Variants in SLC36A1 observed in about 807,000 individuals in gnomAD.
The protein encoded by SLC36A1 is solute carrier family 36 member 1, also known as proton-coupled amino acid transporter 1.
SLC36A1 carries 30 observed loss-of-function variants against 47.5 expected under a neutral mutation model. The observed-to-expected ratio is 0.63, with a 90% CI of 0.47 to 0.86. The LOEUF (loss-of-function observed/expected upper bound fraction) is 0.86. SLC36A1 is among the 40% of genes least tolerant of loss of function. The pLI is 0.00. For missense variants in SLC36A1, 517 were observed against 606.0 expected (o/e 0.85, Z 1.54); for synonymous variants, 255 against 249.7 (o/e 1.02, Z -0.20).
chr5:151,478,269 A>G (rs1758347663), intron 9 of SLC36A1, among the ~76,000 whole-genome samples: 1 of 152,188 alleles, frequency 6.6e-6, no homozygotes, highest in Non-Finnish European at 1.5e-5. Flanking sequence ...TTAACACATG[A>G]GGGTCTGGTT....
At chr5:151,478,822 T>C (rs1456611543) in intron 9 of SLC36A1, among the ~76,000 whole-genome samples, 1 of 150,256 alleles carries the variant, frequency 6.7e-6, no homozygotes, top group East Asian at 1.9e-4. Context: ...TGTTTTTTCC[T>C]CCTCTTTTTT....
At chr5:151,507,155 C>T in the SLC36A1 span, 1 of 1,575,840 alleles carries the variant, frequency 6.3e-7, no homozygotes, top group African/African-American at 1.3e-5. Context: ...TATACTGACC[C>T]ATCTCCTCGC....
chr5:151,551,378 C>T, the SLC36A1 span: 1 of 1,370,848 alleles, frequency 7.3e-7, no homozygotes, highest in Non-Finnish European at 1.0e-6. Flanking sequence ...AGGAACACCA[C>T]ATCCACAGAA....
chr5:151,406,901 G>A, the SLC36A1 span, among the ~76,000 whole-genome samples: 6 of 152,058 alleles, frequency 3.9e-5, no homozygotes, highest in Admixed American at 6.6e-5. Context: ...TGGTGTGTCC[G>A]GAGTTTGTTC....
At chr5:151,383,317 A>G in the SLC36A1 span, among the ~76,000 whole-genome samples, 2 of 152,096 alleles carry the variant, frequency 1.3e-5, no homozygotes, top group Non-Finnish European at 2.9e-5. Context: ...GGGGTGGAGT[A>G]TTTCATTGTG....
the SLC36A1 span, chr5:151,505,630 G>A: frequency 6.2e-7 from 1 of 1,614,126 alleles, no homozygotes; most frequent in South Asian, 1.1e-5. Flanking sequence ...TCATAGTTGG[G>A]GGGCACCCGG....
chr5:151,469,181 C>G, intron 7 of SLC36A1: 1 of 681,610 alleles, frequency 1.5e-6, no homozygotes, highest in Non-Finnish European at 2.7e-6. Flanking sequence ...CTCTTGAATA[C>G]CATGTCCCCA....
rs755458787 is a variant in SLC36A1, at chr5:151,476,683, C to T, written c.916C>T (p.Leu306=). 6.2e-7 allele frequency: 1 copy of T among 1,613,728 alleles called. No homozygotes were observed. The highest frequency in any genetic ancestry group is 8.5e-7 in the Non-Finnish European group (1 of 1,179,780). ...CATCGTCACCATCCTCTACATCAGC[C>T]TGGGGTGTCTGGGGTACCTGCAATT... is the stretch of plus-strand genomic sequence containing the variant. ...MVIVTILYIS[L]GCLGYLQFGA... is the part of the protein sequence containing the mutation. The change falls in exon 9 of 11, where the codon CTG becomes TTG. Residue 306 remains leucine (L), a synonymous_variant. Transcript: ENST00000243389.
intron 2 of SLC36A1, among the ~76,000 whole-genome samples, chr5:151,460,411 A>C (rs1256168513): frequency 6.6e-6 from 1 of 152,218 alleles, no homozygotes; most frequent in Non-Finnish European, 1.5e-5. Flanking sequence ...GTTTTGGACA[A>C]AATTATGTCC....
chr5:151,543,013 G>A, the SLC36A1 span: 36 of 1,614,172 alleles, frequency 2.2e-5, no homozygotes, highest in Non-Finnish European at 3.1e-5. Flanking sequence ...AGACCCCTCT[G>A]GAAGGTCTTC....
the SLC36A1 span, among the ~76,000 whole-genome samples, chr5:151,533,524 A>G: frequency 6.6e-6 from 1 of 151,756 alleles, no homozygotes; most frequent in Non-Finnish European, 1.5e-5. Context: ...CACCTCCTTC[A>G]ATGCCAAGCT....
chr5:151,481,118 T>C (rs1193991367), intron 10 of SLC36A1, among the ~76,000 whole-genome samples: 3 of 152,224 alleles, frequency 2.0e-5, no homozygotes, highest in Non-Finnish European at 4.4e-5. Flanking sequence ...TTCACAGACC[T>C]CATGTTATCC....
intron 1 of SLC36A1, among the ~76,000 whole-genome samples, chr5:151,439,883 C>T (rs1752520601): frequency 6.6e-6 from 1 of 152,124 alleles, no homozygotes; most frequent in Admixed American, 6.5e-5. Context: ...GGTGTTTGGT[C>T]TTCTTTATAG....
the SLC36A1 span, among the ~76,000 whole-genome samples, chr5:151,418,381 A>G: frequency 1.3e-5 from 2 of 152,244 alleles, no homozygotes; most frequent in African/African-American, 4.8e-5. Flanking sequence ...ACACCAGCCC[A>G]TGAAAAGCAG....
chr5:151,414,218 T>C, the SLC36A1 span, among the ~76,000 whole-genome samples: 1 of 144,418 alleles, frequency 6.9e-6, no homozygotes, highest in East Asian at 1.9e-4. Context: ...CAGGGAACGA[T>C]ACCCAGAGGA....
At chr5:151,471,765 T>A (rs1487162554) in intron 7 of SLC36A1, among the ~76,000 whole-genome samples, 1 of 152,232 alleles carries the variant, frequency 6.6e-6, no homozygotes, top group Non-Finnish European at 1.5e-5. Flanking sequence ...AAGTGAAGGC[T>A]GTTATAGAGC....
the SLC36A1 span, among the ~76,000 whole-genome samples, chr5:151,391,739 C>T: frequency 2.0e-5 from 3 of 152,248 alleles, no homozygotes; most frequent in Admixed American, 2.0e-4. Flanking sequence ...GCCTTGCATC[C>T]CAGGGATGAA....
At chr5:151,553,040 C>T in the SLC36A1 span, 1 of 761,902 alleles carries the variant, frequency 1.3e-6, no homozygotes, top group Non-Finnish European at 2.2e-6. Flanking sequence ...AAGAGGCAGT[C>T]CCCACTCCGG....
At chr5:151,347,535 G>A in the SLC36A1 span, 1 of 1,568,408 alleles carries the variant, frequency 6.4e-7, no homozygotes, top group South Asian at 1.1e-5. Flanking sequence ...AAGGTGTCTA[G>A]TGTAGATGTA....
Sources: allele counts gnomAD v4.1 joint callset (sites outside exome capture counted in the v4.1 genomes callset), GRCh38; gene constraint gnomAD v4.1.1; transcripts MANE v1.5; gene names NCBI Gene and HGNC (gene_info 2026-07-23, HGNC 2026-07-21).